OSCP1: variants seen among roughly 807,000 people sequenced by gnomAD.
OSCP1 encodes organic solute carrier partner 1, also known as protein OSCP1.
In OSCP1, 35 loss-of-function variants were observed where a neutral mutation model predicts 45.1. That is an observed-to-expected ratio of 0.78 (90% confidence interval 0.59 to 1.03). The LOEUF (loss-of-function observed/expected upper bound fraction) is 1.03, where lower values mean the gene tolerates loss of function less well. Among genes scored for constraint, OSCP1 ranks in the 50% least tolerant of loss-of-function variants. The pLI, the probability that OSCP1 is intolerant of heterozygous loss-of-function variation, is 0.00. For missense variants in OSCP1, 400 were observed against 470.7 expected, an observed-to-expected ratio of 0.85 and a Z score of 1.39; for synonymous variants, 179 against 180.1, an observed-to-expected ratio of 0.99 and a Z score of 0.05.
intron 1 of OSCP1, among the ~76,000 whole-genome samples, chr1:36,448,232 T>C (rs1377912066): frequency 4.6e-5 from 7 of 152,036 alleles, no homozygotes; most frequent in Non-Finnish European, 7.4e-5. Context: ...CTCTAGAGAG[T>C]ATGTTCTTAA....
chr1:36,437,597 C>T (rs1443167216), intron 2 of OSCP1, among the ~76,000 whole-genome samples: 1 of 152,148 alleles, frequency 6.6e-6, no homozygotes, highest in African/African-American at 2.4e-5. Flanking sequence ...CATCTCACTG[C>T]AACCTCCGCC....
chr1:36,435,121 G>T (rs1347583511), intron 2 of OSCP1, among the ~76,000 whole-genome samples: 2 of 141,450 alleles, frequency 1.4e-5, no homozygotes, highest in Middle Eastern at 3.4e-3. Flanking sequence ...TGACATGGGG[G>T]TCTCACTCTG....
intron 7 of OSCP1, 99 bp from the exon 8 acceptor site, chr1:36,420,714 C>T: frequency 7.0e-7 from 1 of 1,425,798 alleles, no homozygotes; most frequent in Non-Finnish European, 9.5e-7. Context: ...TAAGGTAGAA[C>T]AATTGCTATT....
At chr1:36,425,172 C>CAAAA (rs60875318) in intron 4 of OSCP1, among the ~76,000 whole-genome samples, 3 of 118,426 alleles carry the variant, frequency 2.5e-5, no homozygotes, top group Non-Finnish European at 5.4e-5. Flanking sequence ...GACTCTGTCT[C>CAAAA]AAAAAAAAAA....
Position 36,432,530 on chromosome 1 carries a change from C to G in OSCP1, c.327G>C (p.Lys109Asn). 1 of 1,614,140 alleles carries G rather than the reference C, an allele frequency of 6.2e-7. No homozygotes were observed. ...KYQVLLCPRPKDVLLVTFNHL... is the reference protein window; with the variant it reads ...KYQVLLCPRPNDVLLVTFNHL... ...GATTGAAAGTGACCAGCAGCACATCCTTGGGTCGGGGACACAGCAATACTT... is the reference window on the plus strand; with the variant it reads ...GATTGAAAGTGACCAGCAGCACATCGTTGGGTCGGGGACACAGCAATACTT... The change falls in exon 3 of 10, where the codon AAG (lysine) becomes AAC (asparagine). Residue 109 changes from lysine (K) to asparagine (N), a missense_variant. Lys to Asn is a moderately conservative substitution (Grantham distance 94). Transcript: ENST00000235532.
At chr1:36,418,498 T>C (rs1647408936) in intron 9 of OSCP1, 3 of 556,868 alleles carry the variant, frequency 5.4e-6, no homozygotes, top group Admixed American at 3.0e-5. Flanking sequence ...CAGATGGGTA[T>C]AGTTAAGAAA....
intron 1 of OSCP1, among the ~76,000 whole-genome samples, chr1:36,442,426 A>G (rs1253441421): frequency 6.6e-6 from 1 of 152,200 alleles, no homozygotes; most frequent in Non-Finnish European, 1.5e-5. Context: ...AAAGCTCTCA[A>G]AATCCACACT....
At chr1:36,430,338 G>C (rs1269062362) in intron 4 of OSCP1, among the ~76,000 whole-genome samples, 2 of 152,134 alleles carry the variant, frequency 1.3e-5, no homozygotes, top group Admixed American at 6.5e-5. Flanking sequence ...ACTGTGCCTG[G>C]CTAGAAAATG....
chr1:36,448,702 G>C (rs1438613854), intron 1 of OSCP1, among the ~76,000 whole-genome samples: 1 of 152,222 alleles, frequency 6.6e-6, no homozygotes, highest in Non-Finnish European at 1.5e-5. Flanking sequence ...GAAGAATGTA[G>C]GGATGGGAAT....
chr1:36,443,378 G>A (rs1649316019), intron 1 of OSCP1, among the ~76,000 whole-genome samples: 1 of 152,232 alleles, frequency 6.6e-6, no homozygotes, highest in African/African-American at 2.4e-5. Flanking sequence ...TCAAATGACA[G>A]AAGGTATCTG....
At chr1:36,426,173 AT>A (rs970083105) in intron 4 of OSCP1, among the ~76,000 whole-genome samples, 4 of 152,176 alleles carry the variant, frequency 2.6e-5, no homozygotes, top group African/African-American at 7.2e-5. Context: ...AATTGGGAAT[AT>A]TTATATGTGC....
intron 4 of OSCP1, among the ~76,000 whole-genome samples, chr1:36,425,081 G>A (rs1205799839): frequency 1.3e-5 from 2 of 151,494 alleles, no homozygotes; most frequent in African/African-American, 4.8e-5. Context: ...GACAAGGCAC[G>A]AGAATCGCTT....
intron 2 of OSCP1, among the ~76,000 whole-genome samples, chr1:36,437,594 C>T (rs1648832358): frequency 6.6e-6 from 1 of 152,168 alleles, no homozygotes; most frequent in Non-Finnish European, 1.5e-5. Context: ...TCTCATCTCA[C>T]TGCAACCTCC....
rs1364948246 is a variant in OSCP1, at chr1:36,422,846, C to G, written c.671G>C (p.Gly224Ala). The G allele has an allele frequency of 6.2e-7, 1 of 1,610,630 alleles. No individual in the cohort carries two copies. Among genetic ancestry groups the G allele is most frequent in the Non-Finnish European group, 8.5e-7 (1 of 1,178,164 alleles). ...TTTGGGTGCAGGGACATAGTTTCCA[C>G]CATGCTTGAATTCTATCCTCTTCAC... Reference protein sequence around the residue: ...EEVKRIEFKHGGNYVPAPKEG... With the variant: ...EEVKRIEFKHAGNYVPAPKEG... The change falls in exon 6 of 10, where the codon GGT becomes GCT. Residue 224 changes from glycine to alanine, a missense_variant. Transcript: ENST00000235532.
At chr1:36,446,320 G>T (rs1475557098) in intron 1 of OSCP1, among the ~76,000 whole-genome samples, 1 of 152,258 alleles carries the variant, frequency 6.6e-6, no homozygotes, top group African/African-American at 2.4e-5. Flanking sequence ...ACTGCGCCCG[G>T]CCCCTGCAGC....
intron 1 of OSCP1, among the ~76,000 whole-genome samples, chr1:36,448,090 A>G (rs558833183): frequency 1.1e-4 from 16 of 152,202 alleles, no homozygotes; most frequent in Non-Finnish European, 1.9e-4. Context: ...ATTTCATTCA[A>G]TCCTTACAAC....
chr1:36,420,141 A>G (rs77041144), intron 8 of OSCP1, among the ~76,000 whole-genome samples: 1 of 144,560 alleles, frequency 6.9e-6, no homozygotes, highest in African/African-American at 2.8e-5. Context: ...ACACCCAGCT[A>G]ATTTTTTTTT....
At chr1:36,446,167 C>T (rs995493085) in intron 1 of OSCP1, among the ~76,000 whole-genome samples, 4 of 151,680 alleles carry the variant, frequency 2.6e-5, no homozygotes, top group African/African-American at 9.7e-5. Flanking sequence ...GGATTACAGG[C>T]GCCTGCCACC....
intron 9 of OSCP1, 131 bp downstream of exon 9, chr1:36,418,860 G>A: frequency 1.4e-6 from 1 of 697,484 alleles, no homozygotes; most frequent in Non-Finnish European, 2.4e-6. Flanking sequence ...CCTGGGAGGT[G>A]GAAGTTGCGG....
Sources: allele counts gnomAD v4.1 joint callset (sites outside exome capture counted in the v4.1 genomes callset), GRCh38; gene constraint gnomAD v4.1.1; transcripts MANE v1.5; gene names NCBI Gene and HGNC (gene_info 2026-07-23, HGNC 2026-07-21).